Variants in ANXA10 observed in about 807,000 individuals in gnomAD.
ANXA10 encodes annexin A10, also known as annexin 14.
In ANXA10, 49 loss-of-function variants were observed where a neutral mutation model predicts 53.5. The ratio of observed to expected loss-of-function variants is 0.92; its 90% confidence interval spans 0.73 to 1.16. The LOEUF is 1.16. Among genes scored for constraint, ANXA10 ranks in the 50% most tolerant of loss-of-function variants. The pLI is 0.00. For missense variants in ANXA10, 393 were observed against 394.4 expected, an observed-to-expected ratio of 1.00 and a Z score of 0.03; for synonymous variants, 131 against 128.9, an observed-to-expected ratio of 1.02 and a Z score of -0.11.
intron 4 of ANXA10, 98 bp downstream of exon 4, chr4:168,162,739 CAAG>C: frequency 1.2e-6 from 1 of 867,106 alleles, no homozygotes; most frequent in Non-Finnish European, 1.9e-6. Context: ...CTTATATGAT[CAAG>C]GAGAGGGGAG....
Position 168,164,303 on chromosome 4 carries a change from A to G in ANXA10, c.400+15A>G. 1 of 1,548,590 alleles carries G rather than the reference A, an allele frequency of 6.5e-7. No homozygotes were observed. Among genetic ancestry groups the G allele is most frequent in the Non-Finnish European group, 8.9e-7 (1 of 1,122,984 alleles). ...CTACTGCTTGCGTAAGGAAATATAC[A>G]TATGTGAATATATTTTACACATATA... On this transcript the variant is annotated intron_variant, in intron 5 of 11. Transcript: ENST00000359299.
chr4:168,173,752 T>C (rs1578934682), intron 6 of ANXA10, among the ~76,000 whole-genome samples: 1 of 152,180 alleles, frequency 6.6e-6, no homozygotes, highest in Non-Finnish European at 1.5e-5. Context: ...ACAGACCGGA[T>C]TGGGAACCCC....
At chr4:168,148,354 A>C (rs1731438542) in intron 3 of ANXA10, among the ~76,000 whole-genome samples, 1 of 152,022 alleles carries the variant, frequency 6.6e-6, no homozygotes, top group African/African-American at 2.4e-5. Flanking sequence ...TTTAGTAGAG[A>C]CGGGGTTTCA....
At chr4:168,150,504 G>A (rs1217439871) in intron 3 of ANXA10, among the ~76,000 whole-genome samples, 1 of 152,164 alleles carries the variant, frequency 6.6e-6, no homozygotes, top group Admixed American at 6.5e-5. Flanking sequence ...ATTCTGACAG[G>A]CTGGGAAGCA....
At chr4:168,144,519 G>C (rs1731377103) in intron 3 of ANXA10, among the ~76,000 whole-genome samples, 1 of 152,134 alleles carries the variant, frequency 6.6e-6, no homozygotes, top group Non-Finnish European at 1.5e-5. Context: ...AAATTGACCT[G>C]TTCCATTCCA....
Position 168,155,840 on chromosome 4 carries a change from TATA to T in ANXA10, c.196-6684_196-6682del, listed in dbSNP as rs1466971860. Reference sequence around the variant, plus strand: ...TATATATGATATATGATATATCATATATAATATAATATATCATATATGATATAT... The same window carrying T: ...TATATATGATATATGATATATCATATATATAATATATCATATATGATATAT... On this transcript the variant is annotated intron_variant, in intron 3 of 11. Transcript: ENST00000359299. Among the ~76,000 whole-genome samples the T allele has an allele frequency of 6.5e-4, 4 of 6,168 alleles. 1 individual carries two copies. The highest frequency in any genetic ancestry group is 1.5e-3 in the African/African-American group (2 of 1,364). The allele number at this position is 6,168 out of a possible 152,430, so 4.0% of individuals were successfully genotyped here.
intron 3 of ANXA10, among the ~76,000 whole-genome samples, chr4:168,149,029 A>ATT (rs1399243194): frequency 5.3e-5 from 8 of 151,768 alleles, no homozygotes; most frequent in Non-Finnish European, 4.4e-5. Context: ...AAGAGGTATT[A>ATT]TTTTGTTTGT....
intron 1 of ANXA10, among the ~76,000 whole-genome samples, chr4:168,115,469 C>G (rs1322751368): frequency 6.8e-6 from 1 of 148,012 alleles, no homozygotes; most frequent in Non-Finnish European, 1.5e-5. Context: ...TTTCTTACTG[C>G]CTTTCCATCC....
intron 6 of ANXA10, among the ~76,000 whole-genome samples, chr4:168,166,353 C>T (rs1375543865): frequency 6.6e-6 from 1 of 152,118 alleles, no homozygotes; most frequent in South Asian, 2.1e-4. Flanking sequence ...TCTGTACTGG[C>T]TAAATGATAT....
At chr4:168,113,346 T>C (rs1406551351) in intron 1 of ANXA10, 1 of 142,158 alleles carries the variant, frequency 7.0e-6, no homozygotes, top group African/African-American at 2.6e-5. Context: ...TTCATCTCAC[T>C]TGGTCTGGTG....
intron 2 of ANXA10, among the ~76,000 whole-genome samples, chr4:168,138,725 G>A (rs1731279392): frequency 6.6e-6 from 1 of 152,260 alleles, no homozygotes; most frequent in South Asian, 2.1e-4. Context: ...CAATTCATGA[G>A]CATGAAATAA....
intron 3 of ANXA10, among the ~76,000 whole-genome samples, chr4:168,146,016 A>C (rs1221167974): frequency 2.0e-5 from 3 of 151,760 alleles, no homozygotes; most frequent in Non-Finnish European, 4.4e-5. Flanking sequence ...TCTACCTCCC[A>C]GGTTCAAGCA....
At chr4:168,168,969 C>T (rs1315952675) in intron 6 of ANXA10, among the ~76,000 whole-genome samples, 2 of 152,054 alleles carry the variant, frequency 1.3e-5, no homozygotes, top group South Asian at 2.1e-4. Flanking sequence ...CATAAAACTC[C>T]CATGTCACCA....
Position 168,155,452 on chromosome 4 carries a change from A to C in ANXA10, c.196-7076A>C, listed in dbSNP as rs1198440908. Among the ~76,000 whole-genome samples, 2 of 28,470 alleles carry C rather than the reference A, an allele frequency of 7.0e-5. 1 individual carries two copies. Among genetic ancestry groups the C allele is most frequent in the African/African-American group, 4.0e-4 (2 of 4,946 alleles). 18.7% of individuals were successfully genotyped at this position (28,470 alleles called of 152,430 possible). Reference sequence around the variant, plus strand: ...ATAATTATATATAATTATGAATTATATATTTTATAATATATAATTATAAAT... The same window carrying C: ...ATAATTATATATAATTATGAATTATCTATTTTATAATATATAATTATAAAT... On this transcript the variant is annotated intron_variant, in intron 3 of 11. Coordinates refer to ENST00000359299, the MANE Select transcript of ANXA10 (RefSeq NM_007193.5).
intron 6 of ANXA10, among the ~76,000 whole-genome samples, chr4:168,167,305 A>T (rs1469048886): frequency 6.6e-6 from 1 of 152,202 alleles, no homozygotes; most frequent in Non-Finnish European, 1.5e-5. Context: ...CAATTTTCAC[A>T]TAATAGTTGA....
intron 1 of ANXA10, among the ~76,000 whole-genome samples, chr4:168,124,099 G>A (rs537780780): frequency 2.0e-4 from 30 of 152,276 alleles, no homozygotes; most frequent in African/African-American, 5.3e-4. Flanking sequence ...TTCTGCTGAC[G>A]TGCAATTGAT....
At chr4:168,112,518 T>C (rs17053664) in intron 1 of ANXA10, among the ~76,000 whole-genome samples, 3,554 of 152,280 alleles carry the variant, frequency 0.023, 128 homozygotes, top group African/African-American at 0.077. Flanking sequence ...AAATGATTTT[T>C]CTTAACTTTT....
chr4:168,139,401 A>C, intron 2 of ANXA10, 85 bp from the exon 3 acceptor site: 1 of 1,084,018 alleles, frequency 9.2e-7, no homozygotes, highest in Non-Finnish European at 1.4e-6. Flanking sequence ...TAATGCGTGC[A>C]TACTGGTTAT....
At chr4:168,158,644 A>T (rs73862564) in intron 3 of ANXA10, among the ~76,000 whole-genome samples, 1,603 of 152,282 alleles carry the variant, frequency 0.011, 26 homozygotes, top group African/African-American at 0.035. Flanking sequence ...CTTAGAGGAT[A>T]AGCATTTAGT....
Sources: allele counts gnomAD v4.1 joint callset (sites outside exome capture counted in the v4.1 genomes callset), GRCh38; gene constraint gnomAD v4.1.1; transcripts MANE v1.5; gene names NCBI Gene and HGNC (gene_info 2026-07-23, HGNC 2026-07-21).